The following CCDC88C variants were observed in gnomAD, a reference collection of about 807,000 sequenced individuals.
CCDC88C encodes coiled-coil and HOOK domain protein 88C, also known as protein Daple.
CCDC88C carries 131 observed loss-of-function variants against 198.8 expected under a neutral mutation model. The ratio of observed to expected loss-of-function variants is 0.66; its 90% CI spans 0.57 to 0.76. CCDC88C has a LOEUF of 0.76. Ranked by LOEUF, CCDC88C falls within the 30% of genes least tolerant of loss-of-function variation. The pLI, the probability that CCDC88C is intolerant of heterozygous loss-of-function variation, is 0.00. For synonymous variants in CCDC88C, 1,166 were observed against 1,114.7 expected, an observed-to-expected ratio of 1.05 and a Z score of -0.92; for missense variants, 2,553 against 2,631.6, an observed-to-expected ratio of 0.97 and a Z score of 0.65.
At chr14:91,414,384 C>G (rs924978200) in intron 2 of CCDC88C, among the ~76,000 whole-genome samples, 2 of 152,174 alleles carry the variant, frequency 1.3e-5, no homozygotes, top group African/African-American at 4.8e-5. Flanking sequence ...TGAATCCCAG[C>G]TGGCTATGTA....
intron 4 of CCDC88C, among the ~76,000 whole-genome samples, chr14:91,347,013 T>C (rs1451150061): frequency 6.6e-6 from 1 of 152,170 alleles, no homozygotes; most frequent in Admixed American, 6.5e-5. Context: ...CTTTCCCTTT[T>C]GTCGGCCCAC....
chr14:91,334,811 G>A (rs1165379625), intron 10 of CCDC88C, among the ~76,000 whole-genome samples: 1 of 152,170 alleles, frequency 6.6e-6, no homozygotes, highest in Non-Finnish European at 1.5e-5. Flanking sequence ...GCCACCGGGG[G>A]CAAGGGTTCA....
rs1893183713 is a variant in CCDC88C, at chr14:91,339,009, A to ACTGGAGG, written c.809+262_809+268dup. The ACTGGAGG allele has an allele frequency of 1.8e-6, 1 of 565,254 alleles. No homozygotes were observed. The highest frequency in any genetic ancestry group is 3.1e-5 in the East Asian group (1 of 32,092). The allele number at this position is 565,254 out of a possible 1,614,324, so 35.0% of individuals were successfully genotyped here. On this transcript the variant is annotated intron_variant, in intron 8 of 29. Transcript: ENST00000389857. This position sits in a 1 kb window ranked among gnomAD's most constrained non-coding sequence, Gnocchi z 5.8. ...GGCCCCAAGCTGGAGCTGAGCGTGGACTGGAGGCTGCTTCTGTGGACAACT... is the reference window on the plus strand; with the variant it reads ...GGCCCCAAGCTGGAGCTGAGCGTGGACTGGAGGCTGGAGGCTGCTTCTGTGGACAACT...
intron 12 of CCDC88C, among the ~76,000 whole-genome samples, chr14:91,323,257 TA>T (rs1234123077): frequency 6.6e-6 from 1 of 152,062 alleles, no homozygotes; most frequent in African/African-American, 2.4e-5. Context: ...GCAACCAGAG[TA>T]ACTGGGTATG....
intron 19 of CCDC88C, among the ~76,000 whole-genome samples, chr14:91,304,988 A>C (rs1891498068): frequency 6.6e-6 from 1 of 152,218 alleles, no homozygotes; most frequent in Admixed American, 6.5e-5. Context: ...CACGCCTGTA[A>C]TCCCAGCACT....
rs1220483451 is a variant in CCDC88C at position 91,381,561 on chromosome 14, G to A, written c.271-21850C>T. On this transcript the variant is annotated intron_variant, in intron 3 of 29. Transcript: ENST00000389857. The surrounding 1 kb of genome is among the most constrained non-coding windows in gnomAD (Gnocchi z 4.2). The stretch of plus-strand genomic sequence containing the variant: ...CAAGCCGGGCCTTTTGGCCGGGTGC[G>A]GTGGCTCATGCCTGTAATCCTAGCA... Among the ~76,000 whole-genome samples the A allele has an allele frequency of 2.0e-5, 3 of 152,204 alleles. No homozygotes were observed. Among genetic ancestry groups the A allele is most frequent in the African/African-American group, 2.4e-5 (1 of 41,434 alleles).
In CCDC88C at chr14:91,338,733, T is replaced by C; in HGVS notation, c.810-163A>G. The C allele has an allele frequency of 1.6e-6, 1 of 606,688 alleles. No individual in the cohort carries two copies. Among genetic ancestry groups the C allele is most frequent in the Non-Finnish European group, 2.9e-6 (1 of 339,668 alleles). 37.6% of individuals were successfully genotyped at this position (606,688 alleles called of 1,614,324 possible). On this transcript the variant is annotated intron_variant, in intron 8 of 29. Coordinates refer to ENST00000389857, the MANE Select transcript of CCDC88C (RefSeq NM_001080414.4). This position sits in a 1 kb window ranked among gnomAD's most constrained non-coding sequence, Gnocchi z 4.8. ...TGGGGCCTGCAAAAATGTTACTGAC[T>C]CAAAATTCTTTTCTTTTCATAAGTT...
At chr14:91,417,480 C>T in intron 1 of CCDC88C, 151 bp downstream of exon 1, 1 of 609,234 alleles carries the variant, frequency 1.6e-6, no homozygotes, top group Non-Finnish European at 2.8e-6. Flanking sequence ...CTCCAGGACG[C>T]GGCCCCAACC....
At chr14:91,319,948 C>T (rs945171306) in intron 13 of CCDC88C, among the ~76,000 whole-genome samples, 1 of 142,468 alleles carries the variant, frequency 7.0e-6, no homozygotes, top group African/African-American at 2.7e-5. Context: ...TCACTTGAAC[C>T]TGGGAGGTGG....
chr14:91,402,675 G>A (rs1886275552), intron 3 of CCDC88C, among the ~76,000 whole-genome samples: 1 of 152,212 alleles, frequency 6.6e-6, no homozygotes, highest in Non-Finnish European at 1.5e-5. Flanking sequence ...TGCTGGGAAC[G>A]TCTATCTCAA....
In CCDC88C at chr14:91,307,055, T is replaced by C. The variant is rs1891586910; in HGVS notation, c.3178A>G (p.Ile1060Val). 6.2e-7 allele frequency: 1 copy of C among 1,612,626 alleles called. No homozygotes were observed. Among genetic ancestry groups the C allele is most frequent in the Non-Finnish European group, 8.5e-7 (1 of 1,179,106 alleles). ...MELLRVKDRA[I>V]ELERNNAALQ... Reference sequence around the variant, plus strand: ...CCACTCACATTCCGCTCCAGCTCGATGGCCCGGTCCTTCACTCGGAGAAGC... The same window carrying C: ...CCACTCACATTCCGCTCCAGCTCGACGGCCCGGTCCTTCACTCGGAGAAGC... Residue 1060 changes from isoleucine (I) to valine (V), a missense_variant, in exon 18 of 30, where the codon ATC becomes GTC. By Grantham distance (29) the Ile-to-Val change is conservative. Transcript: ENST00000389857.
chr14:91,375,534 A>C (rs1052396597), intron 3 of CCDC88C, among the ~76,000 whole-genome samples: 8 of 152,066 alleles, frequency 5.3e-5, no homozygotes, highest in Admixed American at 5.2e-4. Context: ...TCGGGGAAGG[A>C]GGGAAGGGCA....
chr14:91,281,307 C>A, intron 27 of CCDC88C, 150 bp downstream of exon 27: 1 of 1,527,954 alleles, frequency 6.5e-7, no homozygotes, highest in Non-Finnish European at 8.8e-7. Flanking sequence ...ACGCTCAGCC[C>A]CCTGGGGAGG....
intron 3 of CCDC88C, among the ~76,000 whole-genome samples, chr14:91,392,369 C>T (rs552917047): frequency 1.1e-4 from 16 of 152,150 alleles, no homozygotes; most frequent in Admixed American, 2.0e-4. Context: ...CATGGAGCTC[C>T]GAGGGGCTGG....
chr14:91,376,788 C>T (rs930371716), intron 3 of CCDC88C, among the ~76,000 whole-genome samples: 2 of 152,186 alleles, frequency 1.3e-5, no homozygotes, highest in Non-Finnish European at 2.9e-5. Flanking sequence ...TGGCTGCCCA[C>T]GACACCCAGG....
chr14:91,349,426 T>TA (rs1403043516), intron 4 of CCDC88C, among the ~76,000 whole-genome samples: 1 of 152,196 alleles, frequency 6.6e-6, no homozygotes, highest in Non-Finnish European at 1.5e-5. Context: ...TGTCAAAGTA[T>TA]AAGTGCTTTA....
Position 91,313,008 on chromosome 14 carries a change from G to A in CCDC88C, c.2736+72C>T, listed in dbSNP as rs1891904190. 8.5e-6 allele frequency: 10 copies of A among 1,182,742 alleles called. No individual in the cohort carries two copies. The highest frequency in any genetic ancestry group is 3.6e-6 in the Non-Finnish European group (3 of 838,952). 73.3% of individuals were successfully genotyped at this position (1,182,742 alleles called of 1,614,324 possible). ...GGACACAGAGTCTTATTTCTCTCCT[G>A]AAACCATGCACCACAGAACCCACTA... On this transcript the variant is annotated intron_variant, in intron 15 of 29. Coordinates refer to ENST00000389857, the MANE Select transcript of CCDC88C (RefSeq NM_001080414.4). This position sits in a 1 kb window ranked among gnomAD's most constrained non-coding sequence, Gnocchi z 5.2.
At position 91,307,043 on chromosome 14, in the gene CCDC88C, G is replaced by A. The variant is rs560210398; in HGVS notation, c.3190C>T (p.Arg1064Trp). 31 of 1,609,912 alleles carry A rather than the reference G, an allele frequency of 1.9e-5. No homozygotes were observed. In the South Asian group the frequency reaches 2.0e-4, roughly 10 times the overall value. Reference sequence around the variant, plus strand: ...GCCCAGGCCAGCCCACTCACATTCCGCTCCAGCTCGATGGCCCGGTCCTTC... The same window carrying A: ...GCCCAGGCCAGCCCACTCACATTCCACTCCAGCTCGATGGCCCGGTCCTTC... ...RVKDRAIELE[R>W]NNAALQAEKQ... The change falls in exon 18 of 30, where the codon CGG (arginine) becomes TGG (tryptophan). Residue 1064 changes from arginine (R) to tryptophan (W), a missense_variant. Around this residue, in one of 2 missense-constraint regions of CCDC88C, gnomAD observed 1,260 missense variants for 1,412.0 expected, o/e 0.89. Transcript: ENST00000389857.
At chr14:91,377,290 C>T (rs8018903) in intron 3 of CCDC88C, among the ~76,000 whole-genome samples, 32,743 of 152,110 alleles carry the variant, frequency 0.22, 4,136 homozygotes, top group African/African-American at 0.35. Context: ...ACTCTTCCAC[C>T]GCGGAGCTCC....
Sources: gnomAD v4.1 joint callset for allele counts (sites outside exome capture counted in the v4.1 genomes callset) on GRCh38, gnomAD v4.1.1 for gene constraint, gnomAD v4.1.1 regional missense constraint, Gnocchi (gnomAD v3.1) non-coding constraint, MANE v1.5 for transcripts, NCBI Gene and HGNC (gene_info 2026-07-23, HGNC 2026-07-21) for gene names.